HACD1: variants seen among roughly 807,000 people sequenced by gnomAD.
HACD1 encodes the protein 3-hydroxyacyl-CoA dehydratase 1, also known as very-long-chain (3R)-3-hydroxyacyl-CoA dehydratase 1.
In HACD1, 41 loss-of-function variants were observed where a neutral mutation model predicts 32.0. The observed-to-expected ratio is 1.28, with a 90% CI of 1.00 to 1.66. The LOEUF (loss-of-function observed/expected upper bound fraction) is 1.66. Among genes scored for constraint, HACD1 ranks in the 40% most tolerant of loss-of-function variants. The probability of loss-of-function intolerance (pLI) is 0.00; values close to 1 mark genes in which losing one functional copy is unlikely to be tolerated. For missense variants in HACD1, 396 were observed against 380.1 expected (o/e 1.04, Z -0.35); for synonymous variants, 142 against 139.0 (o/e 1.02, Z -0.15).
At chr10:17,593,002 G>C (rs1368272065) in intron 6 of HACD1, among the ~76,000 whole-genome samples, 1 of 152,146 alleles carries the variant, frequency 6.6e-6, no homozygotes, top group Non-Finnish European at 1.5e-5. Context: ...AGGAGTTTGA[G>C]ACCAGCCTGG....
chr10:17,613,889 G>C (rs1005968844), intron 1 of HACD1, among the ~76,000 whole-genome samples: 1 of 145,224 alleles, frequency 6.9e-6, no homozygotes, highest in Non-Finnish European at 1.5e-5. Context: ...AAAATACATG[G>C]TGCTTTGAGG....
chr10:17,596,554 G>T (rs748673251), intron 5 of HACD1, among the ~76,000 whole-genome samples: 52 of 147,760 alleles, frequency 3.5e-4, no homozygotes, highest in African/African-American at 1.2e-3. Context: ...TAAGCTAGTT[G>T]AAAGTCTTAA....
intron 6 of HACD1, among the ~76,000 whole-genome samples, chr10:17,593,955 T>G (rs1393569092): frequency 6.6e-6 from 1 of 152,216 alleles, no homozygotes; most frequent in African/African-American, 2.4e-5. Flanking sequence ...TAAGCTGATG[T>G]TTAAATGATT....
At chr10:17,603,523 T>C in intron 4 of HACD1, 37 bp downstream of exon 4, 1 of 1,512,578 alleles carries the variant, frequency 6.6e-7, no homozygotes, top group Non-Finnish European at 9.1e-7. Flanking sequence ...AAAGCTTTCC[T>C]GCAGGCTCAA....
chr10:17,613,916 A>G (rs1320295668), intron 1 of HACD1, among the ~76,000 whole-genome samples: 1 of 78,500 alleles, frequency 1.3e-5, no homozygotes, highest in East Asian at 1.9e-4. Flanking sequence ...TGAGTCAGAG[A>G]TATCAAATGC....
At chr10:17,603,865 T>C (rs1834105610) in intron 2 of HACD1, 65 bp downstream of exon 2, 6 of 1,496,182 alleles carry the variant, frequency 4.0e-6, no homozygotes, top group Non-Finnish European at 5.6e-6. Flanking sequence ...ATATTGATTT[T>C]GCACAACAAA....
intron 1 of HACD1, among the ~76,000 whole-genome samples, chr10:17,611,653 T>A (rs1832980813): frequency 6.6e-6 from 1 of 152,182 alleles, no homozygotes. Context: ...ACTTCCCTAT[T>A]ATGAGCAAGT....
chr10:17,611,898 C>CGGAGCTT (rs1381562172), intron 1 of HACD1, among the ~76,000 whole-genome samples: 2 of 151,448 alleles, frequency 1.3e-5, no homozygotes, highest in African/African-American at 4.9e-5. Context: ...ACCCGGGAGG[C>CGGAGCTT]GGAGCTTGCA....
At chr10:17,594,996 C>G (rs1564504883) in intron 5 of HACD1, among the ~76,000 whole-genome samples, 1 of 152,026 alleles carries the variant, frequency 6.6e-6, no homozygotes, top group Non-Finnish European at 1.5e-5. Flanking sequence ...GTAGCTGGGA[C>G]TACAGGCGCC....
chr10:17,594,273 G>A lies in HACD1; in HGVS notation c.716C>T (p.Pro239Leu). 6.2e-7 allele frequency: 1 copy of A among 1,602,220 alleles called. No homozygotes were observed. Among genetic ancestry groups the A allele is most frequent in the Non-Finnish European group, 8.5e-7 (1 of 1,173,938 alleles). The change falls in exon 6 of 7, where the codon CCT (proline) becomes CTT (leucine). Residue 239 changes from proline to leucine, a missense_variant. Physicochemically the swap from Pro to Leu is moderately conservative, Grantham distance 98 (BLOSUM62 -3). Coordinates refer to ENST00000361271, the MANE Select transcript of HACD1 (RefSeq NM_014241.4). Reference protein sequence around the residue: ...KKTGMFSIRLPNKYNVSFDYY... With the variant: ...KKTGMFSIRLLNKYNVSFDYY... The stretch of plus-strand genomic sequence containing the variant: ...GTCAAAAGAGACATTGTATTTGTTA[G>A]GAAGTCTTATTGAAAACATTCCTGT...
rs781887814 is a variant in HACD1, at chr10:17,590,345, C to A, written c.*19G>T. 3.3e-6 allele frequency: 5 copies of A among 1,523,090 alleles called. No individual in the cohort carries two copies. The highest frequency in any genetic ancestry group is 4.5e-6 in the Non-Finnish European group (5 of 1,123,506). 94.3% of individuals were successfully genotyped at this position (1,523,090 alleles called of 1,614,324 possible). ...AATCTTGGTTATTCTGGAAAAAGCA[C>A]CTTGTTTGCAGAGATCATTTAATCA... On this transcript the variant is annotated 3_prime_UTR_variant, in exon 7 of 7. Transcript: ENST00000361271.
intron 1 of HACD1, 24 bp downstream of exon 1, chr10:17,617,059 G>T (rs2131527814): frequency 2.1e-6 from 3 of 1,456,178 alleles, no homozygotes; most frequent in South Asian, 2.7e-5. Flanking sequence ...GGGAGGGCCC[G>T]AGGGTGCCCC....
rs1476350400 is a variant in HACD1 at position 17,589,383 on chromosome 10, A to T, written c.*981T>A. On this transcript the variant is annotated 3_prime_UTR_variant, in exon 7 of 7. Coordinates refer to ENST00000361271, the MANE Select transcript of HACD1 (RefSeq NM_014241.4). Reference sequence around the variant, plus strand: ...TTGTAACCTTGAATTCCTGGGCTCAAGTGATCCTCCCACCTCAGCCTCCCA... The same window carrying T: ...TTGTAACCTTGAATTCCTGGGCTCATGTGATCCTCCCACCTCAGCCTCCCA... The T allele has an allele frequency of 2.0e-5, 3 of 152,208 alleles. No homozygotes were observed. The highest frequency in any genetic ancestry group is 7.2e-5 in the African/African-American group (3 of 41,426). The allele number at this position is 152,208 out of a possible 1,614,324, so 9.4% of individuals were successfully genotyped here.
intron 4 of HACD1, among the ~76,000 whole-genome samples, chr10:17,601,809 C>T (rs1400712331): frequency 1.3e-5 from 2 of 152,074 alleles, no homozygotes; most frequent in African/African-American, 4.8e-5. Context: ...GCAGGTAAAT[C>T]ATGCAAGTTG....
intron 1 of HACD1, among the ~76,000 whole-genome samples, chr10:17,606,722 A>G (rs1554817096): frequency 6.6e-6 from 1 of 152,244 alleles, no homozygotes; most frequent in African/African-American, 2.4e-5. Context: ...CTTGTTTATC[A>G]GATTGGCAAG....
rs1554816819 is a variant in HACD1 at position 17,603,979 on chromosome 10, T to C, written c.326A>G (p.Lys109Arg). Residue 109 changes from lysine (K) to arginine (R), a missense_variant, in exon 2 of 7, where the codon AAA becomes AGA. Physicochemically the swap from Lys to Arg is conservative, Grantham distance 26. Coordinates refer to ENST00000361271, the MANE Select transcript of HACD1 (RefSeq NM_014241.4). ...MEKGTHRGLY[K>R]SIQKTLKFFQ... ...AAATTTAAGTGTCTTCTGAATACTT[T>C]TATATAAACCTCTGTGTGTTCCTTT... The C allele has an allele frequency of 6.2e-7, 1 of 1,612,828 alleles. No homozygotes were observed. The highest frequency in any genetic ancestry group is 1.7e-5 in the Admixed American group (1 of 59,798).
rs1480745876 is a variant in HACD1 at position 17,589,267 on chromosome 10, T to C, written c.*1097A>G. On this transcript the variant is annotated 3_prime_UTR_variant, in exon 7 of 7. Transcript: ENST00000361271. ...AGCATGATCATCTTCCTCATCATCG[T>C]TATCATCATCATCATCATCATCACT... The C allele has an allele frequency of 1.3e-5, 2 of 152,412 alleles. No homozygotes were observed. The highest frequency in any genetic ancestry group is 3.8e-4 in the East Asian group (2 of 5,198). 9.4% of individuals were successfully genotyped at this position (152,412 alleles called of 1,614,324 possible).
At chr10:17,611,921 C>G (rs939771650) in intron 1 of HACD1, among the ~76,000 whole-genome samples, 7 of 151,206 alleles carry the variant, frequency 4.6e-5, no homozygotes, top group African/African-American at 1.7e-4. Flanking sequence ...GAGCTGAGAT[C>G]GCACCACTGC....
chr10:17,613,097 GGTGTGTGTGTGTGT>G (rs56074507), intron 1 of HACD1, among the ~76,000 whole-genome samples: 2,079 of 132,868 alleles, frequency 0.016, 47 homozygotes, highest in African/African-American at 0.053. Flanking sequence ...TGCAATTTGG[GGTGTGTGTGTGTGT>G]GTGTGTGTGT....
Sources: gnomAD v4.1 joint callset for allele counts (sites outside exome capture counted in the v4.1 genomes callset) on GRCh38, gnomAD v4.1.1 for gene constraint, MANE v1.5 for transcripts, NCBI Gene and HGNC (gene_info 2026-07-23, HGNC 2026-07-21) for gene names.